The following HOXB9 variants were observed in gnomAD, a reference collection of about 807,000 sequenced individuals.
HOXB9 encodes homeobox protein Hox-B9.
In HOXB9, 10 loss-of-function variants were observed where a neutral mutation model predicts 21.5. That is an observed-to-expected ratio of 0.47 (90% CI 0.29 to 0.79). HOXB9 has a LOEUF of 0.79. Ranked by LOEUF, HOXB9 falls within the 30% of genes least tolerant of loss-of-function variation. The pLI is 0.10. For missense variants in HOXB9, 375 were observed against 338.7 expected, an observed-to-expected ratio of 1.11 and a Z score of -0.84; for synonymous variants, 156 against 151.2, an observed-to-expected ratio of 1.03 and a Z score of -0.23.
At chr17:48,624,585 C>T (rs967028968) in intron 1 of HOXB9, among the ~76,000 whole-genome samples, 6 of 152,002 alleles carry the variant, frequency 3.9e-5, no homozygotes, top group African/African-American at 1.5e-4. Context: ...TCTAAAGGGC[C>T]CTGGGGCCAC....
intron 1 of HOXB9, among the ~76,000 whole-genome samples, chr17:48,624,273 C>T (rs888005866): frequency 1.3e-5 from 2 of 152,062 alleles, no homozygotes; most frequent in African/African-American, 4.8e-5. Flanking sequence ...CGTGTCTTAC[C>T]AATTTGCAGC....
chr17:48,623,541 G>A (rs906426012), intron 1 of HOXB9, among the ~76,000 whole-genome samples: 2 of 152,194 alleles, frequency 1.3e-5, no homozygotes, highest in Non-Finnish European at 2.9e-5. Context: ...GTGAGAGGAG[G>A]AGTTGGGTGG....
rs184775794 is a variant in HOXB9, at chr17:48,626,038, A to G, written c.232T>C (p.Tyr78His). Residue 78 changes from tyrosine (Y) to histidine (H), a missense_variant, in exon 1 of 2, where the codon TAC becomes CAC. Tyr to His is a moderately conservative substitution (Grantham distance 83). Transcript: ENST00000311177. ...PHASGSLPSV[Y>H]HPYIQPQGVP... ...CCCTGGGGCTGGATGTAAGGGTGGT[A>G]GACGGACGGCAGGCTCCCGGACGCG... 1.4e-3 allele frequency: 2,222 copies of G among 1,578,362 alleles called. 38 individuals carry two copies. In the Admixed American group the frequency reaches 0.027, roughly 19 times the overall value.
At chr17:48,623,531 G>A (rs2070787917) in intron 1 of HOXB9, among the ~76,000 whole-genome samples, 1 of 152,206 alleles carries the variant, frequency 6.6e-6, no homozygotes, top group Non-Finnish European at 1.5e-5. Context: ...GCTCTAGGAG[G>A]TGAGAGGAGG....
chr17:48,621,562 A>T lies in HOXB9; in HGVS notation c.*1338T>A, dbSNP rs552864281. The T allele has an allele frequency of 6.6e-6, 1 of 152,446 alleles. No individual in the cohort carries two copies. The highest frequency in any genetic ancestry group is 1.9e-4 in the East Asian group (1 of 5,188). The allele number at this position is 152,446 out of a possible 1,614,324, so 9.4% of individuals were successfully genotyped here. On this transcript the variant is annotated 3_prime_UTR_variant, in exon 2 of 2. Coordinates refer to ENST00000311177, the MANE Select transcript of HOXB9 (RefSeq NM_024017.5). The stretch of plus-strand genomic sequence containing the variant: ...AAGCGCGCGCACGCACCAGCCACGC[A>T]GATCTGCATCCAGGCCCATGAAGCA...
intron 1 of HOXB9, among the ~76,000 whole-genome samples, chr17:48,625,395 C>T (rs1291080096): frequency 6.6e-6 from 1 of 152,186 alleles, no homozygotes; most frequent in East Asian, 1.9e-4. Context: ...CCGCTGGCCC[C>T]GGCCCCCGCC....
In HOXB9 at chr17:48,622,358, A is replaced by AG. The variant is rs1483955426; in HGVS notation, c.*541dup. On this transcript the variant is annotated 3_prime_UTR_variant, in exon 2 of 2. Coordinates refer to ENST00000311177, the MANE Select transcript of HOXB9 (RefSeq NM_024017.5). ...CATCTCCCTGGTGGGTATTTGCATT[A>AG]GGGGTAGAACCCGGGCTTGCCTGAC... The AG allele has an allele frequency of 6.5e-6, 1 of 153,760 alleles. No individual in the cohort carries two copies. Among genetic ancestry groups the AG allele is most frequent in the Non-Finnish European group, 1.5e-5 (1 of 68,852 alleles). 9.5% of individuals were successfully genotyped at this position (153,760 alleles called of 1,614,324 possible). A position where few individuals can be genotyped will look rare whatever the true frequency, so the allele number is the denominator to read the frequency against.
Position 48,622,654 on chromosome 17 carries a change from T to A in HOXB9, c.*246A>T, listed in dbSNP as rs1160405270. ...TCTCTTTCCTTGTGGCCCATCACAT[T>A]CTTAGGAACCAACTATTTCTATCTT... is the stretch of plus-strand genomic sequence containing the variant. On this transcript the variant is annotated 3_prime_UTR_variant, in exon 2 of 2. Coordinates refer to ENST00000311177, the MANE Select transcript of HOXB9 (RefSeq NM_024017.5). The A allele has an allele frequency of 2.4e-6, 1 of 418,318 alleles. No homozygotes were observed. The highest frequency in any genetic ancestry group is 2.0e-5 in the African/African-American group (1 of 49,444). 25.9% of individuals were successfully genotyped at this position (418,318 alleles called of 1,614,324 possible).
rs1341141153 is a variant in HOXB9, at chr17:48,625,949, C to A, written c.321G>T (p.Ala107=). The A allele has an allele frequency of 6.7e-7, 1 of 1,495,800 alleles. No individual in the cohort carries two copies. Among genetic ancestry groups the A allele is most frequent in the East Asian group, 2.5e-5 (1 of 39,768 alleles). The allele number at this position is 1,495,800 out of a possible 1,614,324, so 92.7% of individuals were successfully genotyped here. Residue 107 remains alanine (A), a synonymous_variant, in exon 1 of 2, where the codon GCG becomes GCT. Coordinates refer to ENST00000311177, the MANE Select transcript of HOXB9 (RefSeq NM_024017.5). Reference sequence around the variant, plus strand: ...CCGCCGCCTGGCCCTGCCCCGGGGCCGCTTCGCCGCGCGGCGCCGGCTCCA... The same window carrying A: ...CCGCCGCCTGGCCCTGCCCCGGGGCAGCTTCGCCGCGCGGCGCCGGCTCCA... ...TWLEPAPRGE[A]APGQGQAAVK... is the part of the protein sequence containing the mutation.
chr17:48,623,338 G>A (rs1299361959), intron 1 of HOXB9, among the ~76,000 whole-genome samples: 1 of 152,202 alleles, frequency 6.6e-6, no homozygotes, highest in Non-Finnish European at 1.5e-5. Flanking sequence ...AAAGGATGGA[G>A]CCAAACGTGG....
intron 1 of HOXB9, 123 bp from the exon 2 acceptor site, chr17:48,623,258 A>G: frequency 1.4e-6 from 1 of 704,282 alleles, no homozygotes; most frequent in East Asian, 2.6e-5. Context: ...TGGGTCTTCA[A>G]GCTCCCAGGA....
At chr17:48,625,540 G>A (rs2070805304) in intron 1 of HOXB9, among the ~76,000 whole-genome samples, 2 of 152,222 alleles carry the variant, frequency 1.3e-5, no homozygotes, top group Admixed American at 6.5e-5. Flanking sequence ...GGAGAAGTGG[G>A]GGCAGCGCTC....
At position 48,623,030 on chromosome 17, in the gene HOXB9, A is replaced by G. The variant is rs758939212; in HGVS notation, c.623T>C (p.Met208Thr). 6.2e-7 allele frequency: 1 copy of G among 1,614,216 alleles called. No homozygotes were observed. Among genetic ancestry groups the G allele is most frequent in the East Asian group, 2.2e-5 (1 of 44,894 alleles). ...LELEKEFLFN[M>T]YLTRDRRHEV... is the part of the protein sequence containing the mutation. The stretch of plus-strand genomic sequence containing the variant: ...GTGCCTACGGTCCCTGGTGAGGTAC[A>G]TATTGAACAGAAACTCCTTCTCTAG... Residue 208 changes from methionine to threonine, a missense_variant, in exon 2 of 2, where the codon ATG (methionine) becomes ACG (threonine). Transcript: ENST00000311177.
intron 1 of HOXB9, among the ~76,000 whole-genome samples, chr17:48,623,537 G>A (rs1194381402): frequency 5.9e-5 from 9 of 152,234 alleles, no homozygotes; most frequent in African/African-American, 1.9e-4. Context: ...GGAGGTGAGA[G>A]GAGGAGTTGG....
Position 48,622,224 on chromosome 17 carries a change from A to T in HOXB9, c.*676T>A, listed in dbSNP as rs1189632964. ...CCGGCTTGGGGGCTAGGTTTGCTCC[A>T]TCTTCCCCATGGCCCTTGGCCTGAG... is the stretch of plus-strand genomic sequence containing the variant. On this transcript the variant is annotated 3_prime_UTR_variant, in exon 2 of 2. Coordinates refer to ENST00000311177, the MANE Select transcript of HOXB9 (RefSeq NM_024017.5). The T allele has an allele frequency of 1.3e-5, 2 of 152,650 alleles. No homozygotes were observed. The highest frequency in any genetic ancestry group is 4.8e-5 in the African/African-American group (2 of 41,458). The allele number at this position is 152,650 out of a possible 1,614,324, so 9.5% of individuals were successfully genotyped here.
At chr17:48,625,637 C>G (rs112409771) in intron 1 of HOXB9, 116 bp downstream of exon 1, 79,607 of 1,274,374 alleles carry the variant, frequency 0.062, 3,384 homozygotes, top group East Asian at 0.15. Context: ...CCTCCCGGCC[C>G]GCTCTCCGGC....
At chr17:48,623,575 A>C (rs2070788391) in intron 1 of HOXB9, among the ~76,000 whole-genome samples, 1 of 152,090 alleles carries the variant, frequency 6.6e-6, no homozygotes, top group Admixed American at 6.6e-5. Context: ...CTGTTCAGTC[A>C]CTGCATTTGG....
chr17:48,623,086 G>A lies in HOXB9; in HGVS notation c.567C>T (p.Arg189=), dbSNP rs761624512. The change falls in exon 2 of 2, where the codon CGC becomes CGT. Residue 189 remains arginine, a synonymous_variant. Coordinates refer to ENST00000311177, the MANE Select transcript of HOXB9 (RefSeq NM_024017.5). ...WLHARSSRKK[R]CPYTKYQTLE... ...GCGTCTGGTATTTGGTGTAGGGACAGCGCTTTTTCCGGGAAGAGCGAGCGT... is the reference window on the plus strand; with the variant it reads ...GCGTCTGGTATTTGGTGTAGGGACAACGCTTTTTCCGGGAAGAGCGAGCGT... 2.5e-6 allele frequency: 4 copies of A among 1,613,972 alleles called. No homozygotes were observed. In the African/African-American group the frequency reaches 4.0e-5, roughly 16 times the overall value.
At position 48,622,678 on chromosome 17, in the gene HOXB9, T is replaced by C; in HGVS notation, c.*222A>G. 2.0e-6 allele frequency: 1 copy of C among 494,228 alleles called. No homozygotes were observed. The highest frequency in any genetic ancestry group is 3.6e-6 in the Non-Finnish European group (1 of 277,220). 30.6% of individuals were successfully genotyped at this position (494,228 alleles called of 1,614,324 possible). On this transcript the variant is annotated 3_prime_UTR_variant, in exon 2 of 2. Transcript: ENST00000311177. ...TTCTTAGGAACCAACTATTTCTATC[T>C]TCTAAATCAACAAAACTTTCTCCTG...
Sources: allele counts gnomAD v4.1 joint callset (sites outside exome capture counted in the v4.1 genomes callset), GRCh38; gene constraint gnomAD v4.1.1; transcripts MANE v1.5; gene names NCBI Gene and HGNC (gene_info 2026-07-23, HGNC 2026-07-21).